The following DNM3 variants were observed in gnomAD, a reference collection of about 807,000 sequenced individuals.
The protein encoded by DNM3 is dynamin-3.
Under a neutral mutation model 101.6 loss-of-function variants are expected in DNM3, and 47 were observed. That is an observed-to-expected ratio of 0.46 (90% CI 0.37 to 0.59). DNM3 has a LOEUF of 0.59. Among genes scored for constraint, DNM3 ranks in the 20% least tolerant of loss-of-function variants. DNM3 has a pLI of 0.00. For missense variants in DNM3, 849 were observed against 1,085.7 expected (o/e 0.78, Z 3.06); for synonymous variants, 385 against 387.9 (o/e 0.99, Z 0.09).
At chr1:172,069,681 G>A (rs529234618) in intron 11 of DNM3, among the ~76,000 whole-genome samples, 29 of 152,134 alleles carry the variant, frequency 1.9e-4, no homozygotes, top group Non-Finnish European at 2.9e-4. Context: ...ACAGCTGCAC[G>A]TGTGATGTTG....
At chr1:172,278,512 G>A (rs1004085231) in intron 15 of DNM3, among the ~76,000 whole-genome samples, 3 of 152,162 alleles carry the variant, frequency 2.0e-5, no homozygotes, top group Non-Finnish European at 4.4e-5. Context: ...GCCTCATGCA[G>A]CCGTGGGCCA....
At chr1:172,334,639 C>G (rs2066338333) in intron 17 of DNM3, among the ~76,000 whole-genome samples, 1 of 152,212 alleles carries the variant, frequency 6.6e-6, no homozygotes, top group Non-Finnish European at 1.5e-5. Context: ...AGCCTGCAGA[C>G]TCTGGCTACA....
At chr1:172,003,505 A>G (rs2046477962) in intron 4 of DNM3, among the ~76,000 whole-genome samples, 2 of 151,998 alleles carry the variant, frequency 1.3e-5, no homozygotes, top group South Asian at 4.1e-4. Flanking sequence ...TCCATTTTTC[A>G]TTGCTGAGTT....
intron 10 of DNM3, among the ~76,000 whole-genome samples, chr1:172,062,167 T>C (rs1472978137): frequency 1.3e-5 from 2 of 152,218 alleles, no homozygotes; most frequent in Non-Finnish European, 2.9e-5. Context: ...CCTCCCACTT[T>C]CTGTTGTGAA....
At chr1:171,891,319 T>G (rs1324405556) in intron 1 of DNM3, among the ~76,000 whole-genome samples, 1 of 149,998 alleles carries the variant, frequency 6.7e-6, no homozygotes, top group African/African-American at 2.5e-5. Flanking sequence ...AGTTTTAGAT[T>G]AATAGAAAAA....
intron 10 of DNM3, among the ~76,000 whole-genome samples, chr1:172,056,534 C>T (rs12045327): frequency 0.34 from 51,548 of 151,856 alleles, 10,085 homozygotes; most frequent in Non-Finnish European, 0.43. Context: ...GGTCCCTGAC[C>T]CCTGACCCCC....
At chr1:172,186,288 ATG>A (rs1482335793) in intron 14 of DNM3, among the ~76,000 whole-genome samples, 2 of 152,048 alleles carry the variant, frequency 1.3e-5, no homozygotes, top group Non-Finnish European at 2.9e-5. Flanking sequence ...ATTCCAAGAA[ATG>A]TGGAGATATA....
chr1:172,381,634 G>C (rs1558067891), intron 18 of DNM3, among the ~76,000 whole-genome samples: 1 of 151,972 alleles, frequency 6.6e-6, no homozygotes, highest in East Asian at 1.9e-4. Flanking sequence ...CACGTGACCT[G>C]TTGAGTCCAA....
chr1:172,318,463 G>A (rs539096205), intron 16 of DNM3, among the ~76,000 whole-genome samples: 79 of 152,328 alleles, frequency 5.2e-4, no homozygotes, highest in African/African-American at 1.7e-3. Flanking sequence ...GTTTGCAGAC[G>A]ACGTGATTGT....
chr1:171,987,745 A>C lies in DNM3; in HGVS notation c.325A>C (p.Thr109Pro). The C allele has an allele frequency of 6.2e-7, 1 of 1,604,344 alleles. No individual in the cohort carries two copies. The highest frequency in any genetic ancestry group is 8.5e-7 in the Non-Finnish European group (1 of 1,176,528). The change falls in exon 3 of 21, where the codon ACT becomes CCT. Residue 109 changes from threonine to proline, a missense_variant. Thr to Pro is a conservative substitution (Grantham distance 38). Around this residue, in one of 5 missense-constraint regions of DNM3, gnomAD observed 388 missense variants for 483.0 expected, o/e 0.80. Transcript: ENST00000627582. ...GATTGAAGCAGAAACAGATCGCGTG[A>C]CTGGAATGAATAAAGGCATTTCCTC... ...LEIEAETDRV[T>P]GMNKGISSIP...
chr1:171,910,027 T>C (rs2039165210), intron 1 of DNM3, among the ~76,000 whole-genome samples: 1 of 152,228 alleles, frequency 6.6e-6, no homozygotes, highest in African/African-American at 2.4e-5. Context: ...ATTCTTTTGT[T>C]GATTTAAGCA....
chr1:171,892,198 G>T (rs1302742438), intron 1 of DNM3, among the ~76,000 whole-genome samples: 1 of 151,802 alleles, frequency 6.6e-6, no homozygotes. Context: ...TATGTGTTTT[G>T]AATACTTCCT....
intron 13 of DNM3, among the ~76,000 whole-genome samples, chr1:172,124,609 G>A (rs1044309551): frequency 6.6e-6 from 1 of 152,146 alleles, no homozygotes; most frequent in Non-Finnish European, 1.5e-5. Flanking sequence ...ATGTGCTTAG[G>A]AGAAGAGTGA....
chr1:172,093,783 A>G, intron 13 of DNM3: 1 of 1,550,738 alleles, frequency 6.4e-7, no homozygotes, highest in Non-Finnish European at 8.7e-7. Flanking sequence ...TCCCAAGGGC[A>G]CAGTTTGTCT....
intron 15 of DNM3, chr1:172,289,719 G>T (rs187265488): frequency 1.0e-6 from 1 of 984,644 alleles, no homozygotes; most frequent in African/African-American, 1.7e-5. Context: ...TAGAGTTTTG[G>T]TTGCATGTTC....
chr1:172,091,745 T>A (rs1332775375), intron 12 of DNM3, among the ~76,000 whole-genome samples: 1 of 152,000 alleles, frequency 6.6e-6, no homozygotes, highest in Admixed American at 6.6e-5. Flanking sequence ...CAGTACACGG[T>A]TTCGAGCAGA....
intron 14 of DNM3, among the ~76,000 whole-genome samples, chr1:172,134,288 CATT>C (rs2057102295): frequency 6.6e-6 from 1 of 152,110 alleles, no homozygotes; most frequent in Non-Finnish European, 1.5e-5. Context: ...TTAAGATCAT[CATT>C]GAGACTGAAA....
intron 4 of DNM3, among the ~76,000 whole-genome samples, chr1:172,004,203 A>G (rs999379254): frequency 2.0e-5 from 3 of 152,090 alleles, no homozygotes; most frequent in Non-Finnish European, 2.9e-5. Flanking sequence ...TCTGGACAAG[A>G]TTGAAGAATA....
intron 15 of DNM3, among the ~76,000 whole-genome samples, chr1:172,260,042 C>T (rs1413229868): frequency 1.3e-5 from 2 of 152,056 alleles, no homozygotes; most frequent in African/African-American, 4.8e-5. Flanking sequence ...AGCTTTTGCT[C>T]ATCTGTGAAA....
Sources: gnomAD v4.1 joint callset for allele counts (sites outside exome capture counted in the v4.1 genomes callset) on GRCh38, gnomAD v4.1.1 for gene constraint, gnomAD v4.1.1 regional missense constraint, MANE v1.5 for transcripts, NCBI Gene and HGNC (gene_info 2026-07-23, HGNC 2026-07-21) for gene names.